Variants in FYB1 observed in about 807,000 individuals in gnomAD.
The protein encoded by FYB1 is FYN binding protein 1.
FYB1 carries 41 observed loss-of-function variants against 94.1 expected under a neutral mutation model. That is an observed-to-expected ratio of 0.44 (90% CI 0.34 to 0.57). The LOEUF (loss-of-function observed/expected upper bound fraction) is 0.57, where lower values mean the gene tolerates loss of function less well. Ranked by LOEUF, FYB1 falls within the 20% of genes least tolerant of loss-of-function variation. FYB1 has a pLI of 0.02. For missense variants in FYB1, 1,050 were observed against 976.8 expected (o/e 1.07, Z -1.00); for synonymous variants, 367 against 353.2 (o/e 1.04, Z -0.44).
At chr5:39,233,425 T>C (rs1750831464) in intron 1 of FYB1, among the ~76,000 whole-genome samples, 3 of 152,172 alleles carry the variant, frequency 2.0e-5, no homozygotes, top group Admixed American at 2.0e-4. Flanking sequence ...GTACTCACCA[T>C]CTTCTAGAGC....
chr5:39,189,912 C>G (rs371240551), intron 2 of FYB1, among the ~76,000 whole-genome samples: 2 of 152,204 alleles, frequency 1.3e-5, no homozygotes, highest in South Asian at 2.1e-4. Context: ...GGGCAATCCC[C>G]AAACCCATCC....
chr5:39,224,547 A>T (rs1052521111), upstream of FYB1, among the ~76,000 whole-genome samples: 1 of 152,200 alleles, frequency 6.6e-6, no homozygotes. Context: ...ATCACAGTTC[A>T]TTAAAGGTGT....
intron 2 of FYB1, among the ~76,000 whole-genome samples, chr5:39,160,557 G>A (rs73749437): frequency 0.013 from 1,944 of 152,276 alleles, 17 homozygotes; most frequent in African/African-American, 0.029. Flanking sequence ...TGAAAGACTG[G>A]CAGAAAGAAT....
At chr5:39,168,956 A>T (rs1264066266) in intron 2 of FYB1, among the ~76,000 whole-genome samples, 1 of 152,222 alleles carries the variant, frequency 6.6e-6, no homozygotes, top group Non-Finnish European at 1.5e-5. Context: ...CTCTACATGT[A>T]TATTAGGACC....
Position 39,134,194 on chromosome 5 carries a change from G to T in FYB1, c.1817+14C>A. On this transcript the variant is annotated intron_variant, in intron 9 of 18. Transcript: ENST00000512982. ...GACAGTTTGATCTGTTCTACAATAC[G>T]TACTTGCACATACCTGCTAATATCA... 1 of 1,597,468 alleles carries T rather than the reference G, an allele frequency of 6.3e-7. No homozygotes were observed. The highest frequency in any genetic ancestry group is 8.6e-7 in the Non-Finnish European group (1 of 1,167,694).
chr5:39,268,281 G>T (rs1752519462), intron 1 of FYB1, among the ~76,000 whole-genome samples: 1 of 149,184 alleles, frequency 6.7e-6, no homozygotes, highest in Admixed American at 6.7e-5. Flanking sequence ...GGGTTGGAGT[G>T]TGGTGACATG....
In FYB1 at chr5:39,237,524, A is replaced by G. The variant is rs1477218043; in HGVS notation, c.-27-34537T>C. ...ATAGAATTTTTTGCTTACTCAATCAATAAGATATCATCATTTCTTGCATAG... is the reference window on the plus strand; with the variant it reads ...ATAGAATTTTTTGCTTACTCAATCAGTAAGATATCATCATTTCTTGCATAG... On this transcript the variant is annotated intron_variant, in intron 1 of 1. Coordinates refer to the FYB1 transcript ENST00000510188. Among the ~76,000 whole-genome samples the G allele has an allele frequency of 2.0e-5, 3 of 152,106 alleles. No individual in the cohort carries two copies. The South Asian group carries it at 6.2e-4, about 31-fold the overall frequency.
chr5:39,138,389 A>C (rs1315985438), intron 6 of FYB1: 1 of 311,966 alleles, frequency 3.2e-6, no homozygotes, highest in Non-Finnish European at 5.9e-6. Context: ...AAGAAATCAG[A>C]TTTCTGTCTC....
At chr5:39,127,695 T>A in intron 11 of FYB1, 46 bp downstream of exon 11, 1 of 1,512,500 alleles carries the variant, frequency 6.6e-7, no homozygotes, top group Non-Finnish European at 8.8e-7. Flanking sequence ...TAAATTTCAA[T>A]GTATATATAA....
intron 6 of FYB1, 47 bp from the exon 7 acceptor site, chr5:39,137,767 T>C: frequency 1.3e-6 from 2 of 1,548,376 alleles, no homozygotes; most frequent in South Asian, 2.4e-5. Flanking sequence ...CAGGTGTTGA[T>C]GCGTCGGAAC....
At chr5:39,132,872 A>G (rs563507450) in intron 9 of FYB1, among the ~76,000 whole-genome samples, 1 of 152,358 alleles carries the variant, frequency 6.6e-6, no homozygotes, top group Admixed American at 6.5e-5. Flanking sequence ...TGTAAGTTAC[A>G]GAATGTGACG....
intron 1 of FYB1, among the ~76,000 whole-genome samples, chr5:39,218,674 T>C (rs1031067884): frequency 6.6e-6 from 1 of 152,232 alleles, no homozygotes; most frequent in Admixed American, 6.5e-5. Context: ...AGAGGTTAAG[T>C]GGCTCTCCCA....
chr5:39,154,144 A>G (rs1743531168), intron 2 of FYB1, among the ~76,000 whole-genome samples: 1 of 152,120 alleles, frequency 6.6e-6, no homozygotes, highest in African/African-American at 2.4e-5. Context: ...CATAACACAC[A>G]TACACACAGT....
intron 1 of FYB1, among the ~76,000 whole-genome samples, chr5:39,227,773 T>C (rs1051440981): frequency 3.3e-5 from 5 of 152,214 alleles, no homozygotes; most frequent in Non-Finnish European, 7.3e-5. Context: ...TTGCAATCCA[T>C]GGAAGAAAAA....
In FYB1 at chr5:39,116,884, A is replaced by G. The variant is rs59724512; in HGVS notation, c.2401+1990T>C. Among the ~76,000 whole-genome samples, 465 of 152,294 alleles carry G rather than the reference A, an allele frequency of 3.1e-3. 2 individuals carry two copies. Among genetic ancestry groups the G allele is most frequent in the African/African-American group, 0.011 (455 of 41,568 alleles). ...GTCAGACCTCACATCTGCAATTTCA[A>G]CAAGATCCCCATTGATCTGTATGCA... On this transcript the variant is annotated intron_variant, in intron 16 of 18. Transcript: ENST00000512982.
upstream of FYB1, among the ~76,000 whole-genome samples, chr5:39,220,812 C>A (rs574948524): frequency 6.6e-6 from 1 of 152,176 alleles, no homozygotes; most frequent in African/African-American, 2.4e-5. Flanking sequence ...GCCCGCATGC[C>A]AAATCTGGCC....
At chr5:39,204,203 C>A (rs1661599578) in intron 1 of FYB1, among the ~76,000 whole-genome samples, 1 of 152,158 alleles carries the variant, frequency 6.6e-6, no homozygotes, top group Non-Finnish European at 1.5e-5. Context: ...CTTCTATAAG[C>A]CCCTATGCTA....
In FYB1 at chr5:39,106,499, C is replaced by A. The variant is rs541976278; in HGVS notation, c.*944G>T. The stretch of plus-strand genomic sequence containing the variant: ...ACTAGAATTTTAATAATTTCTACTC[C>A]CTCTGCTGGCCAACTTTCCAGTAAA... On this transcript the variant is annotated 3_prime_UTR_variant, in exon 19 of 19. Transcript: ENST00000512982. 6.6e-6 allele frequency: 1 copy of A among 151,790 alleles called. No individual in the cohort carries two copies. Among genetic ancestry groups the A allele is most frequent in the Non-Finnish European group, 1.5e-5 (1 of 67,924 alleles). 9.4% of individuals were successfully genotyped at this position (151,790 alleles called of 1,614,324 possible).
intron 16 of FYB1, among the ~76,000 whole-genome samples, chr5:39,114,823 GTGTAACGTGC>G (rs1437202449): frequency 3.9e-5 from 6 of 152,198 alleles, no homozygotes; most frequent in African/African-American, 1.4e-4. Context: ...GCAAGGCATT[GTGTAACGTGC>G]TGACATTACG....
Sources: allele counts gnomAD v4.1 joint callset (sites outside exome capture counted in the v4.1 genomes callset), GRCh38; gene constraint gnomAD v4.1.1; transcripts MANE v1.5; gene names NCBI Gene and HGNC (gene_info 2026-07-23, HGNC 2026-07-21).